COPA: variants seen among roughly 807,000 people sequenced by gnomAD.
COPA encodes coat protein complex I subunit alpha.
A neutral mutation model predicts 158.7 loss-of-function variants in COPA; 10 were observed. That is an observed-to-expected ratio of 0.06 (90% CI 0.04 to 0.11). COPA has a LOEUF of 0.11. Ranked by LOEUF, COPA falls within the 10% of genes least tolerant of loss-of-function variation. The pLI is 1.00. For missense variants in COPA, 1,065 were observed against 1,536.7 expected (o/e 0.69, Z 5.13); for synonymous variants, 462 against 542.8 (o/e 0.85, Z 2.07).
intron 6 of COPA, 82 bp from the exon 7 acceptor site, chr1:160,325,734 C>A: frequency 1.0e-6 from 1 of 967,524 alleles, no homozygotes; most frequent in South Asian, 1.5e-5. Flanking sequence ...ACAGAAATTA[C>A]AGTGAAAAAG....
At chr1:160,329,020 G>T (rs1647384421) in intron 6 of COPA, among the ~76,000 whole-genome samples, 1 of 152,164 alleles carries the variant, frequency 6.6e-6, no homozygotes, top group African/African-American at 2.4e-5. Context: ...CTCCCTTTCA[G>T]AAATATAAGC....
chr1:160,291,132 G>A (rs540043643), intron 31 of COPA, among the ~76,000 whole-genome samples: 6 of 152,314 alleles, frequency 3.9e-5, no homozygotes, highest in Middle Eastern at 3.4e-3. Context: ...ACTCTTAGAC[G>A]AGTGCCATGT....
intron 17 of COPA, among the ~76,000 whole-genome samples, chr1:160,303,169 AG>A (rs1339470973): frequency 6.6e-6 from 1 of 152,196 alleles, no homozygotes; most frequent in African/African-American, 2.4e-5. Context: ...ACTGTACTCC[AG>A]CCTGGGCAAC....
At chr1:160,313,248 G>A in intron 9 of COPA, 81 bp from the exon 10 acceptor site, 1 of 1,246,568 alleles carries the variant, frequency 8.0e-7, no homozygotes, top group Non-Finnish European at 1.2e-6. Flanking sequence ...TAAATGGTAA[G>A]CCAGCAAGCT....
At position 160,292,175 on chromosome 1, in the gene COPA, C is replaced by T. The variant is rs1224538172; in HGVS notation, c.2984G>A (p.Gly995Asp). ...RNWKDAGLKN[G>D]VPAVGLKLND... Reference sequence around the variant, plus strand: ...AAGCTTCAGGCCCACAGCTGGTACACCATTCTTCAGCCCTGCATCCTTCCT... The same window carrying T: ...AAGCTTCAGGCCCACAGCTGGTACATCATTCTTCAGCCCTGCATCCTTCCT... Residue 995 changes from glycine (G) to aspartate (D), a missense_variant, in exon 29 of 33, where the codon GGT becomes GAT. Physicochemically the swap from Gly to Asp is moderately conservative, Grantham distance 94 (BLOSUM62 -1). This residue lies in a region of COPA where 980 missense variants were observed against 1,357.8 expected (regional missense o/e 0.72). Coordinates refer to ENST00000241704, the MANE Select transcript of COPA (RefSeq NM_004371.4). The T allele has an allele frequency of 6.2e-7, 1 of 1,613,314 alleles. No homozygotes were observed. Among genetic ancestry groups the T allele is most frequent in the East Asian group, 2.2e-5 (1 of 44,878 alleles).
At chr1:160,335,716 T>C (rs1647726352) in intron 3 of COPA, among the ~76,000 whole-genome samples, 2 of 151,522 alleles carry the variant, frequency 1.3e-5, no homozygotes, top group Middle Eastern at 3.2e-3. Flanking sequence ...ACCCTGTCTC[T>C]ACTAAAAATA....
intron 6 of COPA, among the ~76,000 whole-genome samples, chr1:160,329,405 G>A (rs1455380365): frequency 6.6e-6 from 1 of 151,950 alleles, no homozygotes; most frequent in Non-Finnish European, 1.5e-5. Flanking sequence ...AAACCCCATG[G>A]GGTCACACTC....
chr1:160,328,862 C>T (rs954146496), intron 6 of COPA, among the ~76,000 whole-genome samples: 1 of 152,014 alleles, frequency 6.6e-6, no homozygotes, highest in Non-Finnish European at 1.5e-5. Flanking sequence ...GGAGAGGTAC[C>T]AAGAGATAGG....
At chr1:160,307,843 C>T (rs77929211) in intron 13 of COPA, among the ~76,000 whole-genome samples, 11,573 of 152,258 alleles carry the variant, frequency 0.076, 567 homozygotes, top group African/African-American at 0.13. Flanking sequence ...GAAATGGACA[C>T]TCCATTCTCT....
intron 7 of COPA, 131 bp from the exon 8 acceptor site, chr1:160,323,661 T>C: frequency 1.9e-6 from 1 of 524,216 alleles, no homozygotes; most frequent in South Asian, 4.9e-5. Context: ...GAGACTACGC[T>C]GCTCTAAAAT....
chr1:160,335,398 AC>A, intron 3 of COPA, 76 bp from the exon 4 acceptor site: 1 of 1,154,250 alleles, frequency 8.7e-7, no homozygotes, highest in East Asian at 2.6e-5. Context: ...TGATATCTTT[AC>A]AGAGATAGAA....
chr1:160,330,592 T>C (rs1014812538), intron 6 of COPA, among the ~76,000 whole-genome samples: 1 of 152,226 alleles, frequency 6.6e-6, no homozygotes. Context: ...TAAACTGCTA[T>C]TGCAGTATTC....
intron 6 of COPA, among the ~76,000 whole-genome samples, chr1:160,329,341 T>C (rs900961412): frequency 1.3e-5 from 2 of 152,186 alleles, no homozygotes; most frequent in Non-Finnish European, 2.9e-5. Context: ...AGTATAGCAA[T>C]TGCAAGGTTA....
intron 6 of COPA, among the ~76,000 whole-genome samples, chr1:160,331,019 C>T (rs555215922): frequency 2.8e-4 from 42 of 150,118 alleles, no homozygotes; most frequent in African/African-American, 1.0e-3. Context: ...ACTAAAAATA[C>T]AAAAATTAGC....
chr1:160,319,905 C>A lies in COPA; in HGVS notation c.706+3526G>T, dbSNP rs2101855311. Reference sequence around the variant, plus strand: ...CTAAGAATGAAGTTTATAACATAAACACCTATGTCAAAAAAAAAAAAAAAA... The same window carrying A: ...CTAAGAATGAAGTTTATAACATAAAAACCTATGTCAAAAAAAAAAAAAAAA... On this transcript the variant is annotated intron_variant, in intron 8 of 32. Coordinates refer to ENST00000241704, the MANE Select transcript of COPA (RefSeq NM_004371.4). Among the ~76,000 whole-genome samples, 11 of 106,386 alleles carry A rather than the reference C, an allele frequency of 1.0e-4. No homozygotes were observed. The South Asian group carries it at 1.1e-3, about 11-fold the overall frequency. The allele number at this position is 106,386 out of a possible 152,430, so 69.8% of individuals were successfully genotyped here. A position where few individuals can be genotyped will look rare whatever the true frequency, so the allele number is the denominator to read the frequency against.
intron 1 of COPA, among the ~76,000 whole-genome samples, chr1:160,342,740 C>T (rs564144563): frequency 6.6e-6 from 1 of 152,112 alleles, no homozygotes; most frequent in African/African-American, 2.4e-5. Context: ...GACTCGGGTG[C>T]GAGTAACAGA....
chr1:160,322,493 TG>T (rs1659358580), intron 8 of COPA, among the ~76,000 whole-genome samples: 3 of 152,188 alleles, frequency 2.0e-5, no homozygotes. Flanking sequence ...AAGAAAACAT[TG>T]GGGAAATGTC....
intron 14 of COPA, 31 bp downstream of exon 14, chr1:160,307,131 CA>C (rs1356180973): frequency 1.9e-6 from 3 of 1,609,048 alleles, no homozygotes; most frequent in Non-Finnish European, 1.7e-6. Flanking sequence ...CCACACTCCC[CA>C]AATTAGTTTC....
chr1:160,336,409 G>A (rs7527130), intron 3 of COPA, among the ~76,000 whole-genome samples: 1 of 151,662 alleles, frequency 6.6e-6, no homozygotes, highest in Non-Finnish European at 1.5e-5. Flanking sequence ...CAGCTTCTTA[G>A]GCTCCTAACT....
Sources: allele counts gnomAD v4.1 joint callset (sites outside exome capture counted in the v4.1 genomes callset), GRCh38; gene constraint gnomAD v4.1.1; regional missense constraint gnomAD v4.1.1; transcripts MANE v1.5; gene names NCBI Gene and HGNC (gene_info 2026-07-23, HGNC 2026-07-21).